The following EXOC6B variants were observed in gnomAD, a reference collection of about 807,000 sequenced individuals.
EXOC6B encodes the protein exocyst complex component 6B, also known as SEC15 homolog B.
In EXOC6B, 54 loss-of-function variants were observed where a neutral mutation model predicts 113.5. The ratio of observed to expected loss-of-function variants is 0.48; its 90% CI spans 0.38 to 0.60. The LOEUF (loss-of-function observed/expected upper bound fraction) is 0.60. Ranked by LOEUF, EXOC6B falls within the 20% of genes least tolerant of loss-of-function variation. The pLI, the probability that EXOC6B is intolerant of heterozygous loss-of-function variation, is 0.00. For synonymous variants in EXOC6B, 357 were observed against 339.0 expected, an observed-to-expected ratio of 1.05 and a Z score of -0.58; for missense variants, 797 against 977.5, an observed-to-expected ratio of 0.82 and a Z score of 2.46.
At chr2:72,639,016 G>A (rs1220263270) in intron 6 of EXOC6B, among the ~76,000 whole-genome samples, 1 of 152,146 alleles carries the variant, frequency 6.6e-6, no homozygotes, top group Non-Finnish European at 1.5e-5. Context: ...TGCCTTACCA[G>A]GGAAGAGCTT....
intron 18 of EXOC6B, among the ~76,000 whole-genome samples, chr2:72,460,728 G>A (rs1039651120): frequency 1.3e-5 from 2 of 152,184 alleles, no homozygotes; most frequent in Non-Finnish European, 2.9e-5. Context: ...GAGAGGATGT[G>A]AAGAAATAGG....
chr2:72,200,140 G>A (rs975105292), intron 20 of EXOC6B, among the ~76,000 whole-genome samples: 7 of 152,042 alleles, frequency 4.6e-5, no homozygotes, highest in East Asian at 3.9e-4. Flanking sequence ...CAGGTGATCC[G>A]CCCACCTTGG....
At chr2:72,601,176 G>C in intron 6 of EXOC6B, among the ~76,000 whole-genome samples, 1 of 147,646 alleles carries the variant, frequency 6.8e-6, no homozygotes, top group Admixed American at 6.7e-5. Flanking sequence ...GTGTGTGTGT[G>C]TATATCTTTT....
chr2:72,356,229 A>T (rs1392655189), intron 19 of EXOC6B, among the ~76,000 whole-genome samples: 1 of 152,156 alleles, frequency 6.6e-6, no homozygotes, highest in Non-Finnish European at 1.5e-5. Context: ...ATTTATTCAT[A>T]TTCTTTAGTT....
chr2:72,322,157 C>T (rs1323187837), intron 20 of EXOC6B, among the ~76,000 whole-genome samples: 3 of 151,994 alleles, frequency 2.0e-5, no homozygotes, highest in Non-Finnish European at 4.4e-5. Context: ...ATAGCCCAAA[C>T]TGGAAAGAAC....
chr2:72,646,612 C>G (rs536849271), intron 6 of EXOC6B, among the ~76,000 whole-genome samples: 3 of 152,078 alleles, frequency 2.0e-5, no homozygotes, highest in Admixed American at 1.3e-4. Context: ...ACAATCAAGT[C>G]GGCTTCATCC....
intron 18 of EXOC6B, among the ~76,000 whole-genome samples, chr2:72,381,985 A>C (rs1046332871): frequency 1.3e-5 from 2 of 152,136 alleles, no homozygotes; most frequent in African/African-American, 4.8e-5. Context: ...ACAGACTATA[A>C]ATTTTCCTCA....
chr2:72,493,486 G>A (rs1339465083), intron 15 of EXOC6B, among the ~76,000 whole-genome samples: 6 of 151,864 alleles, frequency 4.0e-5, no homozygotes, highest in African/African-American at 1.5e-4. Context: ...CATATCAGAA[G>A]TGTTATTACT....
At chr2:72,306,027 T>C (rs539454118) in intron 20 of EXOC6B, among the ~76,000 whole-genome samples, 178 of 152,290 alleles carry the variant, frequency 1.2e-3, no homozygotes, top group Non-Finnish European at 2.0e-3. Context: ...CTGAGAATCC[T>C]GAATACATTT....
At chr2:72,327,995 CTA>C (rs754099621) in intron 20 of EXOC6B, among the ~76,000 whole-genome samples, 1 of 151,384 alleles carries the variant, frequency 6.6e-6, no homozygotes, top group Non-Finnish European at 1.5e-5. Context: ...CCAGCCTTTG[CTA>C]TAAAGTCAAA....
At chr2:72,237,640 C>T (rs1424629929) in intron 20 of EXOC6B, among the ~76,000 whole-genome samples, 2 of 152,192 alleles carry the variant, frequency 1.3e-5, no homozygotes, top group South Asian at 2.1e-4. Flanking sequence ...CCCTCACCCC[C>T]TGCCTGACCT....
At chr2:72,432,915 T>G (rs1191635568) in intron 18 of EXOC6B, among the ~76,000 whole-genome samples, 2 of 152,218 alleles carry the variant, frequency 1.3e-5, no homozygotes, top group Non-Finnish European at 2.9e-5. Flanking sequence ...TTAGCTTAAT[T>G]AGATCCCATT....
chr2:72,761,380 G>A (rs1280652975), intron 1 of EXOC6B, among the ~76,000 whole-genome samples: 1 of 152,090 alleles, frequency 6.6e-6, no homozygotes, highest in Non-Finnish European at 1.5e-5. Context: ...AAGAAACAAA[G>A]TTGCTTGCCA....
At chr2:72,347,328 T>G (rs1252556262) in intron 19 of EXOC6B, among the ~76,000 whole-genome samples, 1 of 152,212 alleles carries the variant, frequency 6.6e-6, no homozygotes, top group Non-Finnish European at 1.5e-5. Flanking sequence ...AAGCAGTAAC[T>G]TTATATCCTT....
At position 72,292,145 on chromosome 2, in the gene EXOC6B, T is replaced by C. The variant is rs373807507; in HGVS notation, c.2196+42802A>G. Among the ~76,000 whole-genome samples the C allele has an allele frequency of 6.7e-4, 101 of 150,704 alleles. 2 individuals are homozygous for C. The South Asian group carries it at 0.02, about 30-fold the overall frequency. On this transcript the variant is annotated intron_variant, in intron 20 of 21. Coordinates refer to ENST00000272427, the MANE Select transcript of EXOC6B (RefSeq NM_015189.3). ...TTCCATAGGTATCTGATGGTGGTGA[T>C]AGTGGTGGCAGGAGGATCCAGAAGT...
At chr2:72,625,662 C>A (rs578063777) in intron 6 of EXOC6B, among the ~76,000 whole-genome samples, 42 of 152,314 alleles carry the variant, frequency 2.8e-4, no homozygotes, top group Middle Eastern at 3.4e-3. Flanking sequence ...CCAATTACCT[C>A]CAAATTCCTA....
intron 7 of EXOC6B, among the ~76,000 whole-genome samples, chr2:72,561,342 C>T (rs927698681): frequency 5.3e-5 from 8 of 152,072 alleles, no homozygotes; most frequent in South Asian, 2.1e-4. Flanking sequence ...GGAAATGACA[C>T]GTTTTTCTTT....
intron 6 of EXOC6B, among the ~76,000 whole-genome samples, chr2:72,638,438 C>T (rs1256695285): frequency 6.6e-6 from 1 of 151,986 alleles, no homozygotes. Flanking sequence ...AGGGACAAGA[C>T]AACTGGTATA....
In EXOC6B at chr2:72,532,638, T is replaced by C. The variant is rs897414741; in HGVS notation, c.916-17512A>G. On this transcript the variant is annotated intron_variant, in intron 8 of 21. Coordinates refer to ENST00000272427, the MANE Select transcript of EXOC6B (RefSeq NM_015189.3). ...GCCTGACCAACATGGGGAAACCCCG[T>C]CTCTACTAAAAATACAAAAAGTAGC... Among the ~76,000 whole-genome samples the C allele has an allele frequency of 3.4e-4, 52 of 151,938 alleles. 1 individual carries two copies. The highest frequency in any genetic ancestry group is 1.2e-3 in the African/African-American group (50 of 41,354).
Sources: gnomAD v4.1 joint callset for allele counts (sites outside exome capture counted in the v4.1 genomes callset) on GRCh38, gnomAD v4.1.1 for gene constraint, MANE v1.5 for transcripts, NCBI Gene and HGNC (gene_info 2026-07-23, HGNC 2026-07-21) for gene names.